The following EPHA6 variants were observed in gnomAD, a reference collection of about 807,000 sequenced individuals.
EPHA6 encodes the protein EPH receptor A6, also known as ephrin type-A receptor 6.
Under a neutral mutation model 112.0 loss-of-function variants are expected in EPHA6, and 50 were observed. That is an observed-to-expected ratio of 0.45 (90% CI 0.36 to 0.56). EPHA6 has a LOEUF of 0.56. Among genes scored for constraint, EPHA6 ranks in the 20% least tolerant of loss-of-function variants. The probability of loss-of-function intolerance (pLI) is 0.00; values close to 1 mark genes in which losing one functional copy is unlikely to be tolerated. For synonymous variants in EPHA6, 529 were observed against 490.7 expected (o/e 1.08, Z -1.03); for missense variants, 1,280 against 1,417.4 (o/e 0.90, Z 1.56).
intron 2 of EPHA6, among the ~76,000 whole-genome samples, chr3:96,928,196 A>G (rs2040138180): frequency 1.3e-5 from 2 of 152,180 alleles, no homozygotes; most frequent in African/African-American, 4.8e-5. Context: ...TCAGTTCTCA[A>G]GTTCTTTTAG....
At position 97,757,334 on chromosome 3, in the gene EPHA6, C is replaced by A. The variant is rs1363448957; in HGVS notation, c.*8633C>A. The stretch of plus-strand genomic sequence containing the variant: ...TTGTTAAAATATGTATTGATACATA[C>A]AATTAGAAAGAAATGTCATCAAAAT... On this transcript the variant is annotated 3_prime_UTR_variant, in exon 18 of 18. Transcript: ENST00000389672. 6.6e-5 allele frequency among the ~76,000 whole-genome samples: 10 copies of A among 151,672 alleles called. No individual in the cohort carries two copies. Among genetic ancestry groups the A allele is most frequent in the African/African-American group, 2.4e-4 (10 of 41,462 alleles).
At chr3:96,862,673 T>C (rs1051020434) in intron 1 of EPHA6, among the ~76,000 whole-genome samples, 4 of 151,954 alleles carry the variant, frequency 2.6e-5, no homozygotes, top group Admixed American at 2.0e-4. Flanking sequence ...TTCTATTATA[T>C]ACTATAAATC....
At chr3:97,250,042 A>G (rs1038605918) in intron 5 of EPHA6, among the ~76,000 whole-genome samples, 1 of 152,212 alleles carries the variant, frequency 6.6e-6, no homozygotes, top group African/African-American at 2.4e-5. Flanking sequence ...ACACCTCTAT[A>G]ACTTGACACT....
rs573317615 is a variant in EPHA6, at chr3:97,668,302, A to G, written c.2784+30220A>G. ...GTTCAATAAAATCTATGACTCCCAG[A>G]TTTTTTTATAGGGGATCCTCAAACA... On this transcript the variant is annotated intron_variant, in intron 14 of 17. Transcript: ENST00000389672. Among the ~76,000 whole-genome samples, 3 of 152,256 alleles carry G rather than the reference A, an allele frequency of 2.0e-5. No homozygotes were observed. The South Asian group carries it at 6.2e-4, about 32-fold the overall frequency.
rs545997548 is a variant in EPHA6 at position 97,753,334 on chromosome 3, G to A, written c.*4633G>A. On this transcript the variant is annotated 3_prime_UTR_variant, in exon 18 of 18. Coordinates refer to ENST00000389672, the MANE Select transcript of EPHA6 (RefSeq NM_001080448.3). ...TCACCGGGGGATAGCACTTTCCATA[G>A]AATATAAAGAAATAAATAGGATCTT... Among the ~76,000 whole-genome samples the A allele has an allele frequency of 8.0e-4, 122 of 152,216 alleles. 1 individual carries two copies. The highest frequency in any genetic ancestry group is 2.7e-3 in the African/African-American group (112 of 41,558).
chr3:97,019,579 A>G (rs1576333897), intron 3 of EPHA6, among the ~76,000 whole-genome samples: 1 of 152,072 alleles, frequency 6.6e-6, no homozygotes, highest in Non-Finnish European at 1.5e-5. Context: ...TTCTTTATGC[A>G]TAAGTTGGAG....
At chr3:97,240,557 C>T (rs2078815624) in intron 4 of EPHA6, among the ~76,000 whole-genome samples, 1 of 151,852 alleles carries the variant, frequency 6.6e-6, no homozygotes, top group Non-Finnish European at 1.5e-5. Context: ...TGAGCAGTCA[C>T]TTTTCAGCCC....
At chr3:97,181,092 A>C (rs1013010213) in intron 3 of EPHA6, among the ~76,000 whole-genome samples, 1 of 151,840 alleles carries the variant, frequency 6.6e-6, no homozygotes, top group Non-Finnish European at 1.5e-5. Context: ...GGTTTAAATG[A>C]TCTTTTTGTG....
chr3:97,625,440 A>T (rs1158405463), intron 13 of EPHA6, among the ~76,000 whole-genome samples: 1 of 151,758 alleles, frequency 6.6e-6, no homozygotes, highest in Non-Finnish European at 1.5e-5. Flanking sequence ...ATCTCTTGAT[A>T]CTTAAATTTA....
At chr3:97,568,977 C>A (rs2093302624) in intron 11 of EPHA6, among the ~76,000 whole-genome samples, 1 of 152,126 alleles carries the variant, frequency 6.6e-6, no homozygotes, top group Admixed American at 6.5e-5. Context: ...TGAAGACAGA[C>A]CAGGGTAATA....
intron 6 of EPHA6, among the ~76,000 whole-genome samples, chr3:97,447,432 G>GA: frequency 6.6e-6 from 1 of 152,238 alleles, no homozygotes; most frequent in East Asian, 1.9e-4. Flanking sequence ...TTGCATCTCT[G>GA]AAAATCTCTA....
chr3:97,496,753 T>A (rs1342873937), intron 10 of EPHA6, among the ~76,000 whole-genome samples: 1 of 151,984 alleles, frequency 6.6e-6, no homozygotes, highest in Admixed American at 6.6e-5. Flanking sequence ...GCTGATTGAG[T>A]CTCTGTGATT....
At chr3:96,857,883 C>A (rs575997783) in intron 1 of EPHA6, among the ~76,000 whole-genome samples, 1 of 151,908 alleles carries the variant, frequency 6.6e-6, no homozygotes, top group African/African-American at 2.4e-5. Flanking sequence ...TTATTGTGTC[C>A]GGTTTAATGA....
At chr3:97,282,368 A>T (rs1484741681) in intron 5 of EPHA6, among the ~76,000 whole-genome samples, 1 of 152,184 alleles carries the variant, frequency 6.6e-6, no homozygotes, top group Non-Finnish European at 1.5e-5. Flanking sequence ...AGAAATAGGA[A>T]TGCTTTTACG....
intron 2 of EPHA6, among the ~76,000 whole-genome samples, chr3:96,955,737 A>G (rs2041732119): frequency 6.6e-6 from 1 of 152,192 alleles, no homozygotes; most frequent in Admixed American, 6.5e-5. Context: ...AAATATATAT[A>G]ATGAACAAAA....
chr3:97,722,571 C>A (rs1372837972), intron 15 of EPHA6, among the ~76,000 whole-genome samples: 1 of 152,064 alleles, frequency 6.6e-6, no homozygotes, highest in African/African-American at 2.4e-5. Context: ...TAGCTCCTCA[C>A]GTAGGGCCAG....
rs1309090250 is a variant in EPHA6 at position 96,961,129 on chromosome 3, A to G, written c.451-26201A>G. Reference sequence around the variant, plus strand: ...GAAGAGCTTGAAGAGGGCAGGTTTCATCTTGCCAGACATCTGAGGTAAGGC... The same window carrying G: ...GAAGAGCTTGAAGAGGGCAGGTTTCGTCTTGCCAGACATCTGAGGTAAGGC... On this transcript the variant is annotated intron_variant, in intron 2 of 17. Transcript: ENST00000389672. Among the ~76,000 whole-genome samples, 3 of 152,356 alleles carry G rather than the reference A, an allele frequency of 2.0e-5. No homozygotes were observed. The South Asian group carries it at 6.2e-4, about 32-fold the overall frequency.
intron 3 of EPHA6, among the ~76,000 whole-genome samples, chr3:97,011,636 A>T (rs1395515217): frequency 6.6e-6 from 1 of 152,112 alleles, no homozygotes; most frequent in East Asian, 1.9e-4. Flanking sequence ...GATTTGTTTA[A>T]CTTCTATTTC....
intron 14 of EPHA6, among the ~76,000 whole-genome samples, chr3:97,694,240 CT>C (rs565717126): frequency 0.079 from 11,406 of 144,234 alleles, 610 homozygotes; most frequent in African/African-American, 0.16. Context: ...ATTTCTTTTT[CT>C]TTTTTTTTTT....
Sources: gnomAD v4.1 joint callset for allele counts (sites outside exome capture counted in the v4.1 genomes callset) on GRCh38, gnomAD v4.1.1 for gene constraint, MANE v1.5 for transcripts, NCBI Gene and HGNC (gene_info 2026-07-23, HGNC 2026-07-21) for gene names.